TFG: variants seen among roughly 807,000 people sequenced by gnomAD.
TFG encodes the protein trafficking from ER to golgi regulator.
A neutral mutation model predicts 51.4 loss-of-function variants in TFG; 22 were observed. The ratio of observed to expected loss-of-function variants is 0.43; its 90% CI spans 0.31 to 0.61. The LOEUF (loss-of-function observed/expected upper bound fraction) is 0.61. Among genes scored for constraint, TFG ranks in the 20% least tolerant of loss-of-function variants. The pLI, the probability that TFG is intolerant of heterozygous loss-of-function variation, is 0.12. For synonymous variants in TFG, 187 were observed against 165.6 expected (o/e 1.13, Z -0.99); for missense variants, 419 against 487.7 (o/e 0.86, Z 1.33).
chr3:100,748,115 G>A, intron 7 of TFG, 34 bp from the exon 8 acceptor site: 1 of 1,586,406 alleles, frequency 6.3e-7, no homozygotes, highest in Non-Finnish European at 8.6e-7. Flanking sequence ...TTTACTAAAA[G>A]ATAAGATACA....
At position 100,713,784 on chromosome 3, in the gene TFG, T is replaced by A; in HGVS notation, c.99T>A (p.Tyr33Ter). 1.9e-6 allele frequency: 3 copies of A among 1,610,156 alleles called. No homozygotes were observed. Among genetic ancestry groups the A allele is most frequent in the Non-Finnish European group, 2.5e-6 (3 of 1,177,452 alleles). The change falls in exon 2 of 8, where the codon TAT (tyrosine) becomes TAA (stop). Residue 33 changes from tyrosine (Y) to a stop codon, truncating the protein, a stop_gained. Transcript: ENST00000240851. LOFTEE classifies it high-confidence loss of function. ...CTATTCATAATGAAGATATTACTTA[T>A]GATGAATTAGTGCTAATGATGCAAC... The part of the protein sequence containing the change: ...RIPIHNEDIT[Y>*]DELVLMMQRV...
intron 3 of TFG, among the ~76,000 whole-genome samples, chr3:100,727,239 C>T (rs1403592939): frequency 1.3e-5 from 2 of 152,190 alleles, no homozygotes; most frequent in Non-Finnish European, 2.9e-5. Context: ...AGACCAGTTT[C>T]TGGCTGCTAG....
intron 6 of TFG, among the ~76,000 whole-genome samples, chr3:100,738,085 CAA>C (rs10537172): frequency 0.38 from 56,213 of 149,070 alleles, 10,608 homozygotes; most frequent in South Asian, 0.49. Context: ...CAAACAAAGC[CAA>C]AAAAAAAAAA....
At chr3:100,744,514 A>G (rs13317752) in intron 6 of TFG, 4,867 of 198,066 alleles carry the variant, frequency 0.025, 193 homozygotes, top group African/African-American at 0.091. Context: ...TTGGCTTTTA[A>G]TGAACATTAG....
intron 5 of TFG, among the ~76,000 whole-genome samples, chr3:100,735,343 G>C (rs2095103494): frequency 1.3e-5 from 2 of 152,184 alleles, no homozygotes; most frequent in Non-Finnish European, 2.9e-5. Context: ...AAATTAGTCT[G>C]CTGATAATAG....
At chr3:100,742,872 G>A (rs1248351252) in intron 6 of TFG, 1 of 147,456 alleles carries the variant, frequency 6.8e-6, no homozygotes, top group East Asian at 1.9e-4. Context: ...TCAATTTATA[G>A]CAGTTTATGA....
intron 7 of TFG, 131 bp downstream of exon 7, chr3:100,745,062 ATTTGTTTTATTTATTTT>A (rs2095131424): frequency 2.3e-6 from 1 of 429,080 alleles, no homozygotes; most frequent in Non-Finnish European, 4.2e-6. Flanking sequence ...GGGAAACAAC[ATTTGTTTTATTTATTTT>A]TAAATATTTT....
rs1029355813 is a variant in TFG, at chr3:100,709,515, T to G, written c.-250T>G. ...CTCTGTTCTTCCCCCACCTGCCACG[T>G]ACAGAGCCCAAGTTCTCGCTAGGCT... On this transcript the variant is annotated 5_prime_UTR_variant, in exon 1 of 8. Coordinates refer to ENST00000240851, the MANE Select transcript of TFG (RefSeq NM_006070.6). 15 of 152,338 alleles carry G rather than the reference T, an allele frequency of 9.8e-5. No individual in the cohort carries two copies. In the East Asian group the frequency reaches 2.5e-3, roughly 26 times the overall value. The allele number at this position is 152,338 out of a possible 1,614,324, so 9.4% of individuals were successfully genotyped here.
At chr3:100,712,212 T>G (rs2095033218) in intron 1 of TFG, among the ~76,000 whole-genome samples, 1 of 152,206 alleles carries the variant, frequency 6.6e-6, no homozygotes, top group Admixed American at 6.5e-5. Flanking sequence ...CCTAGCGTAT[T>G]TATATGAAGA....
chr3:100,748,547 C>G lies in TFG; in HGVS notation c.*16C>G. 6.3e-7 allele frequency: 1 copy of G among 1,590,144 alleles called. No homozygotes were observed. Among genetic ancestry groups the G allele is most frequent in the Non-Finnish European group, 8.6e-7 (1 of 1,165,026 alleles). On this transcript the variant is annotated 3_prime_UTR_variant, in exon 8 of 8. Transcript: ENST00000240851. ...TTATCGATAAGGAGGCTCCTCTACA[C>G]CAATTAATGTAGCTGCTAGCTATTG...
At chr3:100,714,245 A>G (rs1189299432) in intron 2 of TFG, among the ~76,000 whole-genome samples, 1 of 151,782 alleles carries the variant, frequency 6.6e-6, no homozygotes, top group Non-Finnish European at 1.5e-5. Context: ...CATGCCTGTA[A>G]TCCCAGCACT....
At chr3:100,724,737 C>T (rs926100792) in intron 3 of TFG, among the ~76,000 whole-genome samples, 3 of 152,056 alleles carry the variant, frequency 2.0e-5, no homozygotes, top group Non-Finnish European at 4.4e-5. Flanking sequence ...TTTAAACACA[C>T]CAGTGTCAAA....
At chr3:100,718,225 C>G (rs892093375) in intron 2 of TFG, among the ~76,000 whole-genome samples, 1 of 152,214 alleles carries the variant, frequency 6.6e-6, no homozygotes, top group Non-Finnish European at 1.5e-5. Flanking sequence ...GTGTGCCTGG[C>G]CTTTAACTGC....
chr3:100,712,892 A>C (rs180996914), intron 1 of TFG, among the ~76,000 whole-genome samples: 3 of 152,300 alleles, frequency 2.0e-5, no homozygotes, highest in African/African-American at 7.2e-5. Context: ...GGTCAAGACA[A>C]AGGGAAAACT....
At chr3:100,718,342 T>C (rs1286710893) in intron 2 of TFG, among the ~76,000 whole-genome samples, 2 of 152,204 alleles carry the variant, frequency 1.3e-5, no homozygotes, top group East Asian at 3.9e-4. Context: ...TTTTCTTTAA[T>C]AGATCAGAGA....
intron 6 of TFG, among the ~76,000 whole-genome samples, chr3:100,738,921 G>A (rs999475092): frequency 6.6e-6 from 1 of 151,980 alleles, no homozygotes; most frequent in African/African-American, 2.4e-5. Context: ...TAATTTTTTT[G>A]GTACTGTGTA....
intron 2 of TFG, among the ~76,000 whole-genome samples, chr3:100,714,883 G>T (rs2095041303): frequency 6.6e-6 from 1 of 152,076 alleles, no homozygotes; most frequent in Admixed American, 6.6e-5. Context: ...AAAATGTTTC[G>T]GCAAACACAC....
intron 1 of TFG, 78 bp downstream of exon 1, chr3:100,709,799 G>C (rs1027846338): frequency 6.7e-6 from 1 of 149,044 alleles, no homozygotes; most frequent in African/African-American, 2.5e-5. Context: ...GGAGGGCCTC[G>C]TTCGAACCGC....
chr3:100,726,771 G>A (rs112892780), intron 3 of TFG, among the ~76,000 whole-genome samples: 8 of 151,436 alleles, frequency 5.3e-5, no homozygotes, highest in African/African-American at 2.0e-4. Context: ...TGTTAGAAAA[G>A]TATTTTTTTT....
Sources: allele counts gnomAD v4.1 joint callset (sites outside exome capture counted in the v4.1 genomes callset), GRCh38; gene constraint gnomAD v4.1.1; transcripts MANE v1.5; gene names NCBI Gene and HGNC (gene_info 2026-07-23, HGNC 2026-07-21).